LPP: variants seen among roughly 807,000 people sequenced by gnomAD.
LPP encodes the protein LIM domain containing preferred translocation partner in lipoma.
In LPP, 38 loss-of-function variants were observed where a neutral mutation model predicts 60.4. The observed-to-expected ratio is 0.63, with a 90% CI of 0.49 to 0.83. LPP has a LOEUF of 0.83. Among genes scored for constraint, LPP ranks in the 40% least tolerant of loss-of-function variants. The pLI, the probability that LPP is intolerant of heterozygous loss-of-function variation, is 0.00. For synonymous variants in LPP, 328 were observed against 290.8 expected, an observed-to-expected ratio of 1.13 and a Z score of -1.30; for missense variants, 902 against 783.6, an observed-to-expected ratio of 1.15 and a Z score of -1.80.
chr3:188,539,516 A>G (rs965531967), intron 6 of LPP, among the ~76,000 whole-genome samples: 32 of 152,308 alleles, frequency 2.1e-4, no homozygotes, highest in Admixed American at 2.0e-3. Context: ...ATATTTTTCT[A>G]AAAGTAATGG....
chr3:188,454,279 G>A (rs141494220), intron 4 of LPP, among the ~76,000 whole-genome samples: 182 of 152,318 alleles, frequency 1.2e-3, no homozygotes, highest in African/African-American at 4.2e-3. Flanking sequence ...AACAATATAA[G>A]CCTGAAACTA....
chr3:188,203,763 G>T (rs1157310176), intron 1 of LPP, among the ~76,000 whole-genome samples: 1 of 150,608 alleles, frequency 6.6e-6, no homozygotes, highest in East Asian at 2.0e-4. Flanking sequence ...TTACAGGCAT[G>T]AGCCCCTGGC....
intron 6 of LPP, among the ~76,000 whole-genome samples, chr3:188,566,179 C>A (rs1024231980): frequency 3.3e-5 from 5 of 151,844 alleles, no homozygotes; most frequent in Non-Finnish European, 7.4e-5. Flanking sequence ...TTCAATCTTC[C>A]CTTGCACGAT....
At chr3:188,708,118 A>C (rs1211409190) in intron 7 of LPP, 149 bp from the exon 8 acceptor site, 4 of 753,302 alleles carry the variant, frequency 5.3e-6, no homozygotes, top group Non-Finnish European at 8.5e-6. Flanking sequence ...CCACTGAATA[A>C]GTGATAAAAC....
intron 8 of LPP, among the ~76,000 whole-genome samples, chr3:188,753,866 C>T (rs1729096123): frequency 6.6e-6 from 1 of 152,152 alleles, no homozygotes; most frequent in East Asian, 1.9e-4. Flanking sequence ...TAGCCACGTA[C>T]CTGTTGAACC....
chr3:188,322,872 A>C (rs770113775), intron 2 of LPP, among the ~76,000 whole-genome samples: 6 of 152,206 alleles, frequency 3.9e-5, no homozygotes, highest in Non-Finnish European at 2.9e-5. Flanking sequence ...CTCAGGACCC[A>C]ATACTTAGTC....
At chr3:188,514,167 T>A (rs1299882504) in intron 5 of LPP, among the ~76,000 whole-genome samples, 2 of 152,110 alleles carry the variant, frequency 1.3e-5, no homozygotes, top group Non-Finnish European at 2.9e-5. Context: ...AGATCTGATA[T>A]CAGGAAGCTC....
intron 7 of LPP, among the ~76,000 whole-genome samples, chr3:188,633,843 G>C (rs1241129222): frequency 6.6e-6 from 1 of 152,064 alleles, no homozygotes; most frequent in Non-Finnish European, 1.5e-5. Context: ...ATGTACTATA[G>C]AGTTATTCCT....
rs117313121 is a variant in LPP at position 188,606,454 on chromosome 3, T to G, written c.430-2707T>G. 1.6e-3 allele frequency among the ~76,000 whole-genome samples: 245 copies of G among 152,204 alleles called. 13 individuals are homozygous for G. In the East Asian group the frequency reaches 0.042, roughly 26 times the overall value. The stretch of plus-strand genomic sequence containing the variant: ...CTTGGATAGAGTGGTATCTTTTTGT[T>G]TGGTTGGTTTTTGTGTTTTGTTTTG... On this transcript the variant is annotated intron_variant, in intron 6 of 11. Coordinates refer to ENST00000617246, the MANE Select transcript of LPP (RefSeq NM_001375462.1).
chr3:188,627,733 A>T (rs558150036), intron 7 of LPP, among the ~76,000 whole-genome samples: 1 of 152,246 alleles, frequency 6.6e-6, no homozygotes, highest in African/African-American at 2.4e-5. Flanking sequence ...ACCAACAAAG[A>T]TATTTGGGAC....
chr3:188,422,921 G>A (rs1409583593), intron 4 of LPP, among the ~76,000 whole-genome samples: 1 of 147,354 alleles, frequency 6.8e-6, no homozygotes, highest in African/African-American at 2.5e-5. Flanking sequence ...CTTTGTGTGT[G>A]TGTGTGTGTG....
intron 5 of LPP, among the ~76,000 whole-genome samples, chr3:188,499,098 T>G (rs1349658627): frequency 1.3e-5 from 2 of 152,220 alleles, no homozygotes; most frequent in Non-Finnish European, 1.5e-5. Flanking sequence ...ATTTTGAAGA[T>G]TGCCTTTTTA....
chr3:188,311,717 C>T (rs1240147267), intron 2 of LPP, among the ~76,000 whole-genome samples: 1 of 151,912 alleles, frequency 6.6e-6, no homozygotes, highest in Non-Finnish European at 1.5e-5. Flanking sequence ...TGGCTCACTG[C>T]AACCTCCATG....
At chr3:188,585,150 A>T (rs1837153360) in intron 6 of LPP, among the ~76,000 whole-genome samples, 1 of 152,200 alleles carries the variant, frequency 6.6e-6, no homozygotes, top group Non-Finnish European at 1.5e-5. Context: ...CTTTAATATG[A>T]TTCTGCAGAG....
chr3:188,713,930 C>T (rs560738963), intron 8 of LPP, among the ~76,000 whole-genome samples: 2 of 152,254 alleles, frequency 1.3e-5, no homozygotes, highest in African/African-American at 4.8e-5. Flanking sequence ...ACCAGACATA[C>T]ACATCTTCTA....
chr3:188,295,964 A>G (rs1039079623), intron 2 of LPP, among the ~76,000 whole-genome samples: 2 of 152,112 alleles, frequency 1.3e-5, no homozygotes, highest in African/African-American at 4.8e-5. Flanking sequence ...CACATCTGCC[A>G]GTCTGCCTCA....
In LPP at chr3:188,156,745, G is replaced by A. The variant is rs140353504; in HGVS notation, c.-190+2493G>A. ...CCAGCTGCTTGGGAGGCTGCGGCAG[G>A]AGAATCACTTGAACCTGGGAAGAGG... On this transcript the variant is annotated intron_variant, in intron 1 of 11. Coordinates refer to ENST00000617246, the MANE Select transcript of LPP (RefSeq NM_001375462.1). Among the ~76,000 whole-genome samples, 1,139 of 152,156 alleles carry A rather than the reference G, an allele frequency of 7.5e-3. 22 individuals carry two copies. The highest frequency in any genetic ancestry group is 0.026 in the African/African-American group (1,073 of 41,496).
intron 5 of LPP, among the ~76,000 whole-genome samples, chr3:188,487,683 G>C (rs1433211051): frequency 6.6e-6 from 1 of 152,152 alleles, no homozygotes; most frequent in African/African-American, 2.4e-5. Context: ...GCTTGGTCCT[G>C]CTCTGGCCCA....
At chr3:188,406,785 A>C (rs144177794) in intron 4 of LPP, among the ~76,000 whole-genome samples, 58 of 152,316 alleles carry the variant, frequency 3.8e-4, no homozygotes, top group African/African-American at 1.3e-3. Context: ...TTCTTCCCTT[A>C]GGCTGCTGAA....
Sources: allele counts gnomAD v4.1 joint callset (sites outside exome capture counted in the v4.1 genomes callset), GRCh38; gene constraint gnomAD v4.1.1; transcripts MANE v1.5; gene names NCBI Gene and HGNC (gene_info 2026-07-23, HGNC 2026-07-21).